Variants in SEM1 observed in about 807,000 individuals in gnomAD.
SEM1 encodes the protein 26S proteasome complex subunit SEM1.
In SEM1, 3 loss-of-function variants were observed where a neutral mutation model predicts 12.7. The observed-to-expected ratio is 0.24, with a 90% CI of 0.11 to 0.61. SEM1 has a LOEUF of 0.61. Ranked by LOEUF, SEM1 falls within the 20% of genes least tolerant of loss-of-function variation. SEM1 has a pLI of 0.88. For missense variants in SEM1, 59 were observed against 81.3 expected (o/e 0.73, Z 1.06); for synonymous variants, 30 against 27.8 (o/e 1.08, Z -0.25).
intron 1 of SEM1, among the ~76,000 whole-genome samples, chr7:96,494,610 A>G (rs753663739): frequency 1.1e-4 from 16 of 152,174 alleles, no homozygotes; most frequent in Non-Finnish European, 2.1e-4. Context: ...AGATTAGGAC[A>G]TGGGTGTTAG....
intron 2 of SEM1, among the ~76,000 whole-genome samples, chr7:96,570,582 T>A (rs1365105646): frequency 6.6e-6 from 1 of 152,196 alleles, no homozygotes; most frequent in African/African-American, 2.4e-5. Flanking sequence ...ATTTTCTTTA[T>A]CCAGTCTATC....
At chr7:96,599,606 A>C (rs1319038157) in intron 2 of SEM1, among the ~76,000 whole-genome samples, 1 of 152,180 alleles carries the variant, frequency 6.6e-6, no homozygotes, top group East Asian at 1.9e-4. Flanking sequence ...TATCTTTCTG[A>C]CAATGCTTCC....
chr7:96,613,264 C>T (rs1356693017), intron 2 of SEM1, among the ~76,000 whole-genome samples: 4 of 152,134 alleles, frequency 2.6e-5, no homozygotes, highest in Admixed American at 2.0e-4. Flanking sequence ...AAAAAGTTTG[C>T]ACACGTTTTA....
intron 2 of SEM1, among the ~76,000 whole-genome samples, chr7:96,571,881 C>T (rs562019710): frequency 6.6e-6 from 1 of 152,084 alleles, no homozygotes; most frequent in South Asian, 2.1e-4. Context: ...ACCAGCTTCT[C>T]TTTTAGAACT....
At chr7:96,583,230 T>A (rs1278368379) in intron 2 of SEM1, among the ~76,000 whole-genome samples, 1 of 148,584 alleles carries the variant, frequency 6.7e-6, no homozygotes, top group Non-Finnish European at 1.5e-5. Context: ...TCGTTATGTA[T>A]CCAGTAGTCA....
At chr7:96,544,885 A>G (rs1805060149) in intron 2 of SEM1, among the ~76,000 whole-genome samples, 1 of 151,982 alleles carries the variant, frequency 6.6e-6, no homozygotes, top group Non-Finnish European at 1.5e-5. Flanking sequence ...AGTAGGCTGA[A>G]GAGGAAGAGG....
chr7:96,536,710 T>C lies in SEM1; in HGVS notation c.171-30012A>G, dbSNP rs538867089. 8.6e-4 allele frequency among the ~76,000 whole-genome samples: 131 copies of C among 151,932 alleles called. No individual in the cohort carries two copies. The Middle Eastern group carries it at 0.017, about 20-fold the overall frequency. ...TGATCTTCTTTGTTCTGAAGTCAGCTTTGTCTGAAATTAATATAACTACTT... is the reference window on the plus strand; with the variant it reads ...TGATCTTCTTTGTTCTGAAGTCAGCCTTGTCTGAAATTAATATAACTACTT... On this transcript the variant is annotated intron_variant and NMD_transcript_variant, in intron 2 of 3. Coordinates refer to the SEM1 transcript ENST00000466986.
intron 2 of SEM1, among the ~76,000 whole-genome samples, chr7:96,591,066 A>G (rs572108058): frequency 6.6e-6 from 1 of 152,324 alleles, no homozygotes; most frequent in East Asian, 1.9e-4. Flanking sequence ...TAGATGTAAT[A>G]TACTTGGCAA....
intron 2 of SEM1, among the ~76,000 whole-genome samples, chr7:96,680,131 T>C (rs748197732): frequency 6.6e-6 from 1 of 152,092 alleles, no homozygotes; most frequent in Non-Finnish European, 1.5e-5. Flanking sequence ...CTCTAAGATA[T>C]GTTGTATATA....
At chr7:96,598,912 G>C (rs569628884) in intron 2 of SEM1, among the ~76,000 whole-genome samples, 2 of 152,248 alleles carry the variant, frequency 1.3e-5, no homozygotes, top group Middle Eastern at 3.4e-3. Context: ...AATCTCTCTT[G>C]TTGAGAAAAT....
intron 2 of SEM1, among the ~76,000 whole-genome samples, chr7:96,661,988 CAAAAA>C (rs890732912): frequency 2.8e-5 from 1 of 36,030 alleles, no homozygotes; most frequent in African/African-American, 9.0e-5. Flanking sequence ...AACTCCGTCT[CAAAAA>C]AAAAAAAAAA....
At chr7:96,609,375 T>C (rs994928814) in intron 2 of SEM1, among the ~76,000 whole-genome samples, 11 of 152,174 alleles carry the variant, frequency 7.2e-5, no homozygotes, top group African/African-American at 2.2e-4. Flanking sequence ...ATACCATGCA[T>C]TGAGATATGA....
chr7:96,664,356 T>C (rs1427994455), intron 2 of SEM1: 1 of 152,198 alleles, frequency 6.6e-6, no homozygotes. Flanking sequence ...TAGGACTGAG[T>C]TCCCTGTTTA....
rs899052666 is a variant in SEM1, at chr7:96,575,113, G to C, written c.171-68415C>G. Among the ~76,000 whole-genome samples the C allele has an allele frequency of 6.6e-5, 10 of 152,194 alleles. No individual in the cohort carries two copies. In the East Asian group the frequency reaches 1.7e-3, roughly 27 times the overall value. The stretch of plus-strand genomic sequence containing the variant: ...CATCTTTGTGGATTTATCTACCTTT[G>C]GTCTTTGATGTTGGTGACCTTCAAG... On this transcript the variant is annotated intron_variant and NMD_transcript_variant, in intron 2 of 3. Coordinates refer to the SEM1 transcript ENST00000466986.
At chr7:96,531,807 G>T (rs1257323209) in intron 2 of SEM1, among the ~76,000 whole-genome samples, 2 of 152,008 alleles carry the variant, frequency 1.3e-5, no homozygotes, top group Non-Finnish European at 1.5e-5. Context: ...GAATTTCTAT[G>T]TGCATTTCTA....
At chr7:96,493,584 G>A (rs1191038043) in intron 1 of SEM1, among the ~76,000 whole-genome samples, 1 of 152,074 alleles carries the variant, frequency 6.6e-6, no homozygotes, top group African/African-American at 2.4e-5. Context: ...ACAGCTGCAT[G>A]CTTCCAGACT....
At chr7:96,650,447 C>G in intron 2 of SEM1, 1 of 738,902 alleles carries the variant, frequency 1.4e-6, no homozygotes, top group Non-Finnish European at 2.5e-6. Context: ...TGTCCTTCAT[C>G]TGACTTGATG....
intron 2 of SEM1, among the ~76,000 whole-genome samples, chr7:96,665,628 A>G (rs1353333378): frequency 6.6e-6 from 1 of 152,226 alleles, no homozygotes; most frequent in Non-Finnish European, 1.5e-5. Flanking sequence ...CCTAAACAAG[A>G]GAAAAATATT....
intron 1 of SEM1, among the ~76,000 whole-genome samples, chr7:96,699,835 G>A (rs1197363421): frequency 6.6e-6 from 1 of 152,166 alleles, no homozygotes; most frequent in Non-Finnish European, 1.5e-5. Context: ...GTGGTAGGGA[G>A]AAAAGGGCTT....
Sources: gnomAD v4.1 joint callset for allele counts (sites outside exome capture counted in the v4.1 genomes callset) on GRCh38, gnomAD v4.1.1 for gene constraint, MANE v1.5 for transcripts, NCBI Gene and HGNC (gene_info 2026-07-23, HGNC 2026-07-21) for gene names.